Variants in EPC2 observed in about 807,000 individuals in gnomAD.
EPC2 encodes the protein enhancer of polycomb homolog 2.
In EPC2, 14 loss-of-function variants were observed where a neutral mutation model predicts 92.1. That is an observed-to-expected ratio of 0.15 (90% CI 0.10 to 0.24). The LOEUF is 0.24. Ranked by LOEUF, EPC2 falls within the 10% of genes least tolerant of loss-of-function variation. EPC2 has a pLI of 1.00. For synonymous variants in EPC2, 340 were observed against 334.7 expected (o/e 1.02, Z -0.17); for missense variants, 755 against 971.5 (o/e 0.78, Z 2.96).
At chr2:148,652,790 G>A (rs757033036) in intron 1 of EPC2, among the ~76,000 whole-genome samples, 9 of 152,060 alleles carry the variant, frequency 5.9e-5, no homozygotes, top group African/African-American at 1.7e-4. Flanking sequence ...GATTATATTC[G>A]TCCTCTATCT....
intron 1 of EPC2, among the ~76,000 whole-genome samples, chr2:148,652,414 CTG>C (rs1004323785): frequency 1.3e-5 from 2 of 152,130 alleles, no homozygotes; most frequent in African/African-American, 4.8e-5. Flanking sequence ...GAATCAAAGA[CTG>C]TAAAAGAAGT....
chr2:148,758,026 G>A (rs1683226714), intron 4 of EPC2, among the ~76,000 whole-genome samples: 1 of 152,104 alleles, frequency 6.6e-6, no homozygotes, highest in African/African-American at 2.4e-5. Flanking sequence ...GAATGTTGGA[G>A]CCATGTCAGA....
intron 10 of EPC2, among the ~76,000 whole-genome samples, chr2:148,779,190 G>C (rs1163235431): frequency 6.6e-6 from 1 of 152,146 alleles, no homozygotes; most frequent in Non-Finnish European, 1.5e-5. Flanking sequence ...GTACACAAAT[G>C]ATCATGGTTC....
intron 3 of EPC2, among the ~76,000 whole-genome samples, chr2:148,751,755 C>T (rs1683086250): frequency 6.6e-6 from 1 of 151,976 alleles, no homozygotes; most frequent in South Asian, 2.1e-4. Flanking sequence ...GTAGTTCTTC[C>T]CCACTCAAAT....
chr2:148,695,762 T>TAA (rs200611129), intron 2 of EPC2, among the ~76,000 whole-genome samples: 2 of 152,054 alleles, frequency 1.3e-5, no homozygotes, highest in African/African-American at 4.8e-5. Flanking sequence ...CATTTTCTTG[T>TAA]AAAAAAAATA....
chr2:148,780,102 A>G (rs988136381), intron 10 of EPC2, among the ~76,000 whole-genome samples: 4 of 152,242 alleles, frequency 2.6e-5, no homozygotes, highest in Admixed American at 2.0e-4. Flanking sequence ...AGTGAATTTA[A>G]CATGTGCAAA....
chr2:148,675,433 A>C (rs1264306069), intron 1 of EPC2, among the ~76,000 whole-genome samples: 1 of 152,156 alleles, frequency 6.6e-6, no homozygotes, highest in African/African-American at 2.4e-5. Flanking sequence ...GATATAGCTG[A>C]ATCTTGTCTT....
At chr2:148,691,634 C>T (rs1292372062) in intron 2 of EPC2, 1 of 1,548,344 alleles carries the variant, frequency 6.5e-7, no homozygotes, top group East Asian at 2.4e-5. Context: ...TTTGGGGACA[C>T]TACCAACCGG....
At chr2:148,700,584 C>G (rs1171318623) in intron 2 of EPC2, among the ~76,000 whole-genome samples, 1 of 138,168 alleles carries the variant, frequency 7.2e-6, no homozygotes, top group East Asian at 2.2e-4. Flanking sequence ...CTATTCTGTT[C>G]CATTGATCTA....
chr2:148,682,845 T>C (rs769326450), intron 1 of EPC2, among the ~76,000 whole-genome samples: 1 of 152,214 alleles, frequency 6.6e-6, no homozygotes, highest in Non-Finnish European at 1.5e-5. Flanking sequence ...GACTCCTCTC[T>C]GGTTTCCTTT....
In EPC2 at chr2:148,784,793, A is replaced by G. The variant is rs756968813; in HGVS notation, c.2143A>G (p.Ser715Gly). 1.2e-6 allele frequency: 2 copies of G among 1,614,024 alleles called. No individual in the cohort carries two copies. Among genetic ancestry groups the G allele is most frequent in the South Asian group, 2.2e-5 (2 of 91,090 alleles). Residue 715 changes from serine to glycine, a missense_variant, in exon 13 of 14, where the codon AGC becomes GGC. This residue lies in a region of EPC2 where 207 missense variants were observed against 260.5 expected (regional missense o/e 0.79). Coordinates refer to ENST00000258484, the MANE Select transcript of EPC2 (RefSeq NM_015630.4). ...TNHLIPALCT[S>G]SPQTLPMNNS... ...CCACTTAATCCCAGCATTGTGCACAAGCAGTCCTCAGACACTTCCCATGAA... is the reference window on the plus strand; with the variant it reads ...CCACTTAATCCCAGCATTGTGCACAGGCAGTCCTCAGACACTTCCCATGAA...
At chr2:148,758,557 G>A (rs868554906) in intron 4 of EPC2, among the ~76,000 whole-genome samples, 1 of 151,832 alleles carries the variant, frequency 6.6e-6, no homozygotes, top group Non-Finnish European at 1.5e-5. Context: ...CACCACACCC[G>A]GGTAATTTTT....
At chr2:148,746,170 T>C (rs145700622) in intron 3 of EPC2, among the ~76,000 whole-genome samples, 48 of 152,162 alleles carry the variant, frequency 3.2e-4, no homozygotes, top group African/African-American at 1.1e-3. Flanking sequence ...TTGTGTAATA[T>C]CAGCTCAGTG....
intron 3 of EPC2, among the ~76,000 whole-genome samples, chr2:148,744,141 A>G (rs1368741984): frequency 6.6e-6 from 1 of 152,062 alleles, no homozygotes; most frequent in African/African-American, 2.4e-5. Flanking sequence ...TTTTAAATGG[A>G]TTTTAATTTT....
At chr2:148,782,317 A>G (rs920817819) in intron 11 of EPC2, among the ~76,000 whole-genome samples, 1 of 152,104 alleles carries the variant, frequency 6.6e-6, no homozygotes, top group Non-Finnish European at 1.5e-5. Context: ...CGGGCAGATC[A>G]CTTGGGGTCA....
intron 1 of EPC2, among the ~76,000 whole-genome samples, chr2:148,681,797 T>G (rs912321870): frequency 4.6e-5 from 7 of 152,176 alleles, no homozygotes; most frequent in African/African-American, 1.2e-4. Context: ...GGTATACATG[T>G]GCCATGTTGG....
At chr2:148,680,422 A>G (rs948509824) in intron 1 of EPC2, among the ~76,000 whole-genome samples, 1 of 152,212 alleles carries the variant, frequency 6.6e-6, no homozygotes, top group Non-Finnish European at 1.5e-5. Context: ...GGTGTTCTCA[A>G]GTGTATAGAA....
chr2:148,672,809 TC>T (rs1681181990), intron 1 of EPC2, among the ~76,000 whole-genome samples: 1 of 152,184 alleles, frequency 6.6e-6, no homozygotes, highest in South Asian at 2.1e-4. Context: ...TTGCGTGGTT[TC>T]TTGTTGTTGT....
intron 1 of EPC2, among the ~76,000 whole-genome samples, chr2:148,646,611 T>TA (rs397705791): frequency 7.3e-5 from 11 of 151,602 alleles, no homozygotes; most frequent in East Asian, 1.9e-4. Context: ...CTTTTTTTTT[T>TA]AATTTGTTTC....
Sources: allele counts gnomAD v4.1 joint callset (sites outside exome capture counted in the v4.1 genomes callset), GRCh38; gene constraint gnomAD v4.1.1; regional missense constraint gnomAD v4.1.1; transcripts MANE v1.5; gene names NCBI Gene and HGNC (gene_info 2026-07-23, HGNC 2026-07-21).